FGFR2: variants seen among roughly 807,000 people sequenced by gnomAD.
FGFR2 encodes the protein fibroblast growth factor receptor 2.
Under a neutral mutation model 95.9 loss-of-function variants are expected in FGFR2, and 19 were observed. The ratio of observed to expected loss-of-function variants is 0.20; its 90% CI spans 0.14 to 0.29. FGFR2 has a LOEUF of 0.29. Ranked by LOEUF, FGFR2 falls within the 10% of genes least tolerant of loss-of-function variation. FGFR2 has a pLI of 1.00. For synonymous variants in FGFR2, 392 were observed against 393.3 expected (o/e 1.00, Z 0.04); for missense variants, 707 against 1,056.9 (o/e 0.67, Z 4.59).
At chr10:121,480,941 T>A (rs1053483842) in intron 17 of FGFR2, among the ~76,000 whole-genome samples, 28 of 152,010 alleles carry the variant, frequency 1.8e-4, no homozygotes. Context: ...AGAAGAAGAA[T>A]ATCTTATAGG....
chr10:121,517,486 GA>G lies in FGFR2; in HGVS notation c.940-24del, dbSNP rs1849842720. On this transcript the variant is annotated intron_variant, in intron 7 of 17. Transcript: ENST00000358487. The surrounding 1 kb of genome is among the most constrained non-coding windows in gnomAD (Gnocchi z 4.7). ...GGCCTAGAAAACAAGGGAAGCAAAA[GA>G]AAAGGCTAGACGACACAGGAATGAT... is the stretch of plus-strand genomic sequence containing the variant. 1.9e-6 allele frequency: 3 copies of G among 1,614,066 alleles called. No individual in the cohort carries two copies. In the East Asian group the frequency reaches 6.7e-5, roughly 36 times the overall value.
At chr10:121,534,584 C>T (rs529452480) in intron 6 of FGFR2, among the ~76,000 whole-genome samples, 3 of 151,840 alleles carry the variant, frequency 2.0e-5, no homozygotes, top group East Asian at 2.0e-4. Context: ...TTAGTAGAAA[C>T]GAGGTTTCAC....
At chr10:121,481,818 G>A (rs1649164) in intron 17 of FGFR2, 196,502 of 200,532 alleles carry the variant, frequency 0.98, 96,423 homozygotes, top group East Asian at 1. Flanking sequence ...TGCTTTTCCC[G>A]GTTTCTTTCT....
chr10:121,510,077 C>G (rs1848854811), intron 9 of FGFR2, among the ~76,000 whole-genome samples: 1 of 152,188 alleles, frequency 6.6e-6, no homozygotes, highest in African/African-American at 2.4e-5. Context: ...GCTTTCACCA[C>G]CGCAAGCTGG....
chr10:121,591,855 C>T (rs560794805), intron 2 of FGFR2, among the ~76,000 whole-genome samples: 29 of 152,276 alleles, frequency 1.9e-4, no homozygotes, highest in Non-Finnish European at 3.5e-4. Context: ...CCAACAATAC[C>T]CACATTGTTG....
At chr10:121,548,274 T>TTTTTTG in intron 5 of FGFR2, among the ~76,000 whole-genome samples, 1 of 97,722 alleles carries the variant, frequency 1.0e-5, no homozygotes, top group Non-Finnish European at 2.0e-5. Context: ...TTTTTTTTTT[T>TTTTTTG]TTTTTGGTAA....
At chr10:121,507,688 T>A (rs911110269) in intron 9 of FGFR2, among the ~76,000 whole-genome samples, 9 of 152,228 alleles carry the variant, frequency 5.9e-5, no homozygotes, top group Non-Finnish European at 1.0e-4. Flanking sequence ...GTGCTAGGCC[T>A]GGCACTAAGA....
chr10:121,573,877 C>G (rs957574685), intron 2 of FGFR2, among the ~76,000 whole-genome samples: 1 of 152,172 alleles, frequency 6.6e-6, no homozygotes, highest in Admixed American at 6.5e-5. Flanking sequence ...CCACCTTGTA[C>G]AGAGTAAATG....
chr10:121,566,007 C>T, intron 2 of FGFR2: 1 of 487,144 alleles, frequency 2.1e-6, no homozygotes, highest in Non-Finnish European at 3.8e-6. Flanking sequence ...AAATTGATTG[C>T]CAAAGCGTGC....
chr10:121,514,740 GCTTAT>G (rs1849469162), intron 9 of FGFR2, among the ~76,000 whole-genome samples: 1 of 152,210 alleles, frequency 6.6e-6, no homozygotes, highest in Non-Finnish European at 1.5e-5. Context: ...GAATGTTCAT[GCTTAT>G]CTTAAAAAAG....
chr10:121,483,962 G>T (rs952636581), intron 16 of FGFR2, among the ~76,000 whole-genome samples, 159 bp from the exon 17 acceptor site: 2 of 151,762 alleles, frequency 1.3e-5, no homozygotes, highest in Non-Finnish European at 2.9e-5. Flanking sequence ...TTTCCCAAAA[G>T]CTTCCCTGCC....
rs41295553 is a variant in FGFR2, at chr10:121,519,056, G to C, written c.939+923C>G. 0.018 allele frequency among the ~76,000 whole-genome samples: 2,795 copies of C among 152,322 alleles called. 66 individuals carry two copies. The highest frequency in any genetic ancestry group is 0.061 in the African/African-American group (2,553 of 41,558). ...TGAGCGATAGCTAACTGGATAGGTC[G>C]GGTGGGTCCCCAGGTTGGTCATCTT... On this transcript the variant is annotated intron_variant, in intron 7 of 17. Transcript: ENST00000358487.
intron 13 of FGFR2, among the ~76,000 whole-genome samples, chr10:121,493,262 T>C (rs541023499): frequency 4.8e-4 from 73 of 152,332 alleles, no homozygotes; most frequent in Middle Eastern, 6.8e-3. Context: ...TAGTTACTAT[T>C]ATCACAACAC....
intron 1 of FGFR2, among the ~76,000 whole-genome samples, chr10:121,597,317 C>G (rs1255838165): frequency 3.3e-5 from 5 of 152,248 alleles, no homozygotes; most frequent in African/African-American, 1.2e-4. Context: ...TGCGGCAGAG[C>G]AGGCAGGCGA....
chr10:121,490,384 A>T (rs988420065), intron 13 of FGFR2, among the ~76,000 whole-genome samples: 4 of 151,960 alleles, frequency 2.6e-5, no homozygotes, highest in Non-Finnish European at 5.9e-5. Context: ...GGCTGGTCTC[A>T]AACTCCTGAC....
At chr10:121,525,214 C>T (rs1851194705) in intron 6 of FGFR2, among the ~76,000 whole-genome samples, 1 of 152,138 alleles carries the variant, frequency 6.6e-6, no homozygotes, top group South Asian at 2.1e-4. Context: ...GTTGCAAATG[C>T]ACAGTGCATG....
At chr10:121,512,655 G>T (rs757226024) in intron 9 of FGFR2, among the ~76,000 whole-genome samples, 6 of 152,030 alleles carry the variant, frequency 3.9e-5, no homozygotes, top group Non-Finnish European at 8.8e-5. Flanking sequence ...TCAGCCTCCT[G>T]TGGAGCTAGG....
intron 2 of FGFR2, among the ~76,000 whole-genome samples, chr10:121,569,508 C>T (rs1858258569): frequency 1.3e-5 from 2 of 152,240 alleles, no homozygotes; most frequent in South Asian, 4.1e-4. Flanking sequence ...GCGTGAGCCA[C>T]TGCGCCCAGC....
chr10:121,483,993 T>A (rs1845096478), intron 16 of FGFR2, among the ~76,000 whole-genome samples, 190 bp from the exon 17 acceptor site: 1 of 151,850 alleles, frequency 6.6e-6, no homozygotes, highest in Admixed American at 6.6e-5. Flanking sequence ...AAAGGCACTT[T>A]GACTTACAAA....
Sources: gnomAD v4.1 joint callset for allele counts (sites outside exome capture counted in the v4.1 genomes callset) on GRCh38, gnomAD v4.1.1 for gene constraint, Gnocchi (gnomAD v3.1) non-coding constraint, MANE v1.5 for transcripts, NCBI Gene and HGNC (gene_info 2026-07-23, HGNC 2026-07-21) for gene names.